Variants in ATF2 observed in about 807,000 individuals in gnomAD.
ATF2 encodes the protein activating transcription factor 2.
Under a neutral mutation model 60.6 loss-of-function variants are expected in ATF2, and 24 were observed. The ratio of observed to expected loss-of-function variants is 0.40; its 90% confidence interval spans 0.29 to 0.56. The LOEUF (loss-of-function observed/expected upper bound fraction) is 0.56. Among genes scored for constraint, ATF2 ranks in the 20% least tolerant of loss-of-function variants. ATF2 has a pLI of 0.54. For synonymous variants in ATF2, 206 were observed against 215.4 expected (o/e 0.96, Z 0.38); for missense variants, 433 against 607.7 (o/e 0.71, Z 3.02).
In ATF2 at chr2:175,108,016, G is replaced by A. The variant is rs1695821628; in HGVS notation, c.828+3552C>T. Among the ~76,000 whole-genome samples, 4 of 152,152 alleles carry A rather than the reference G, an allele frequency of 2.6e-5. No homozygotes were observed. The South Asian group carries it at 8.3e-4, about 32-fold the overall frequency. ...CGTCTGGGAAGTGAGGAGCGTCTCT[G>A]CCTGGCCGCCCATCGTCTGGGATGT... is the stretch of plus-strand genomic sequence containing the variant. On this transcript the variant is annotated intron_variant, in intron 10 of 13. Transcript: ENST00000264110.
At chr2:175,113,967 G>C in intron 9 of ATF2, 27 bp downstream of exon 9, 1 of 1,559,726 alleles carries the variant, frequency 6.4e-7, no homozygotes, top group Non-Finnish European at 8.8e-7. Context: ...TTTTGCGATA[G>C]AGATTTAAAT....
intron 4 of ATF2, among the ~76,000 whole-genome samples, chr2:175,126,094 C>G (rs2105733668): frequency 6.6e-6 from 1 of 152,248 alleles, no homozygotes; most frequent in African/African-American, 2.4e-5. Context: ...GTTGTTACTG[C>G]CCCTTCATTG....
intron 2 of ATF2, among the ~76,000 whole-genome samples, chr2:175,141,594 G>A (rs760777960): frequency 3.3e-5 from 5 of 151,892 alleles, no homozygotes; most frequent in East Asian, 1.9e-4. Flanking sequence ...CCGGGTTCAC[G>A]CCATTCTCCT....
intron 12 of ATF2, among the ~76,000 whole-genome samples, chr2:175,083,570 G>A (rs1025353455): frequency 6.6e-6 from 1 of 152,154 alleles, no homozygotes; most frequent in Non-Finnish European, 1.5e-5. Context: ...TTACCATTCA[G>A]GACATAGGCA....
chr2:175,141,772 T>C (rs1365269900), intron 2 of ATF2, among the ~76,000 whole-genome samples: 2 of 151,756 alleles, frequency 1.3e-5, no homozygotes, highest in East Asian at 3.9e-4. Flanking sequence ...GGATTACAGG[T>C]GTGAGCCACC....
chr2:175,128,750 A>C (rs901647580), intron 4 of ATF2, among the ~76,000 whole-genome samples: 1 of 152,118 alleles, frequency 6.6e-6, no homozygotes, highest in Non-Finnish European at 1.5e-5. Flanking sequence ...TTATTACGAA[A>C]ATTAAGATGC....
chr2:175,097,606 C>A lies in ATF2; in HGVS notation c.829-13G>T. Reference sequence around the variant, plus strand: ...CAGCTTTTAATCTCTGCAATGCAAACACCATTAAAAATTTTTTTTAAGTCC... The same window carrying A: ...CAGCTTTTAATCTCTGCAATGCAAAAACCATTAAAAATTTTTTTTAAGTCC... On this transcript the variant is annotated splice_polypyrimidine_tract_variant and intron_variant, in intron 10 of 13. Transcript: ENST00000264110. The A allele has an allele frequency of 6.2e-7, 1 of 1,612,256 alleles. No individual in the cohort carries two copies.
Position 175,133,099 on chromosome 2 carries a change from A to AT in ATF2, c.33-2893_33-2892insA, listed in dbSNP as rs1404948430. ...GTGAGACTCTGTCTCAAAAAAAAAA[A>AT]AAATAAATAAATAAAATAAATCCCA... is the stretch of plus-strand genomic sequence containing the variant. On this transcript the variant is annotated intron_variant, in intron 3 of 13. Coordinates refer to ENST00000264110, the MANE Select transcript of ATF2 (RefSeq NM_001880.4). Among the ~76,000 whole-genome samples, 136 of 151,662 alleles carry AT rather than the reference A, an allele frequency of 9.0e-4. 1 individual carries two copies. The highest frequency in any genetic ancestry group is 2.4e-3 in the African/African-American group (100 of 41,340).
intron 1 of ATF2, among the ~76,000 whole-genome samples, chr2:175,162,995 G>A (rs1340166782): frequency 1.3e-5 from 2 of 152,000 alleles, no homozygotes; most frequent in Admixed American, 6.6e-5. Context: ...TTTGCCGGGC[G>A]TGGTGGTGGG....
At chr2:175,094,888 A>T (rs1373327878) in intron 11 of ATF2, among the ~76,000 whole-genome samples, 1 of 152,158 alleles carries the variant, frequency 6.6e-6, no homozygotes, top group Non-Finnish European at 1.5e-5. Context: ...GGCTGCAGTG[A>T]GCCATGATCG....
chr2:175,162,711 T>C (rs1700098824), intron 1 of ATF2, among the ~76,000 whole-genome samples: 1 of 152,204 alleles, frequency 6.6e-6, no homozygotes, highest in Non-Finnish European at 1.5e-5. Context: ...ATAAAACTTA[T>C]TTGATATAAT....
At position 175,121,539 on chromosome 2, in the gene ATF2, C is replaced by T; in HGVS notation, c.104G>A (p.Arg35His). Reference sequence around the variant, plus strand: ...AGCCAAATGATCCTCGTTGGTAAAACGCTGTGGCAAAAAGTTTTAAAATAT... The same window carrying T: ...AGCCAAATGATCCTCGTTGGTAAAATGCTGTGGCAAAAAGTTTTAAAATAT... The part of the protein sequence containing the change: ...FLCTAPGCGQ[R>H]FTNEDHLAVH... Residue 35 changes from arginine to histidine, a missense_variant and splice_region_variant, in exon 5 of 14, where the codon CGT becomes CAT. Arg to His is a conservative substitution (Grantham distance 29). This residue lies in a region of ATF2 where 29 missense variants were observed against 102.1 expected (regional missense o/e 0.28). Transcript: ENST00000264110. The T allele has an allele frequency of 1.3e-6, 2 of 1,590,682 alleles. No individual in the cohort carries two copies. Among genetic ancestry groups the T allele is most frequent in the Non-Finnish European group, 1.7e-6 (2 of 1,169,216 alleles).
intron 12 of ATF2, among the ~76,000 whole-genome samples, chr2:175,089,533 G>A (rs964938400): frequency 3.9e-5 from 6 of 152,278 alleles, no homozygotes; most frequent in Admixed American, 1.3e-4. Flanking sequence ...TTCACATAAA[G>A]TAGGGTTTAA....
At chr2:175,104,748 A>T (rs1695534830) in intron 10 of ATF2, among the ~76,000 whole-genome samples, 1 of 152,222 alleles carries the variant, frequency 6.6e-6, no homozygotes. Context: ...AAAGTAAACC[A>T]ATACCACTGA....
At position 175,168,197 on chromosome 2, in the gene ATF2, G is replaced by C. The variant is rs1233393065; in HGVS notation, c.-290C>G. On this transcript the variant is annotated 5_prime_UTR_variant, in exon 1 of 14. Transcript: ENST00000264110. ...GCTTCCGTCCTCTCTCGCGAGATCG[G>C]ACTGACAACCCCCGCCCGCTCGCCC... is the stretch of plus-strand genomic sequence containing the variant. 1 of 153,294 alleles carries C rather than the reference G, an allele frequency of 6.5e-6. No individual in the cohort carries two copies. Among genetic ancestry groups the C allele is most frequent in the East Asian group, 1.9e-4 (1 of 5,204 alleles). 9.5% of individuals were successfully genotyped at this position (153,294 alleles called of 1,614,324 possible).
At chr2:175,104,482 G>A (rs1016138489) in intron 10 of ATF2, among the ~76,000 whole-genome samples, 11 of 152,058 alleles carry the variant, frequency 7.2e-5, no homozygotes, top group Admixed American at 2.0e-4. Context: ...GGGGCGGTGC[G>A]CAAACAGGTG....
At chr2:175,149,750 C>T (rs1468023874) in intron 2 of ATF2, among the ~76,000 whole-genome samples, 1 of 152,140 alleles carries the variant, frequency 6.6e-6, no homozygotes, top group East Asian at 1.9e-4. Flanking sequence ...ACCTCCTAAC[C>T]AGTCTTAGGC....
intron 10 of ATF2, among the ~76,000 whole-genome samples, chr2:175,105,588 A>G (rs988141584): frequency 1.7e-4 from 26 of 152,336 alleles, no homozygotes; most frequent in African/African-American, 6.3e-4. Flanking sequence ...TAAAAAGAAT[A>G]TTGAAGTGTG....
At chr2:175,106,691 C>T (rs1695690775) in intron 10 of ATF2, among the ~76,000 whole-genome samples, 1 of 151,866 alleles carries the variant, frequency 6.6e-6, no homozygotes, top group South Asian at 2.1e-4. Flanking sequence ...CAAAAATTAG[C>T]TGCATGTGGT....
Sources: gnomAD v4.1 joint callset for allele counts (sites outside exome capture counted in the v4.1 genomes callset) on GRCh38, gnomAD v4.1.1 for gene constraint, gnomAD v4.1.1 regional missense constraint, MANE v1.5 for transcripts, NCBI Gene and HGNC (gene_info 2026-07-23, HGNC 2026-07-21) for gene names.